Variants in RORA observed in about 807,000 individuals in gnomAD.
RORA encodes the protein nuclear receptor ROR-alpha.
A neutral mutation model predicts 69.5 loss-of-function variants in RORA; 7 were observed. That is an observed-to-expected ratio of 0.10 (90% CI 0.06 to 0.19). The LOEUF (loss-of-function observed/expected upper bound fraction) is 0.19. RORA is among the 10% of genes least tolerant of loss of function. The pLI, the probability that RORA is intolerant of heterozygous loss-of-function variation, is 1.00. For synonymous variants in RORA, 261 were observed against 240.8 expected, an observed-to-expected ratio of 1.08 and a Z score of -0.78; for missense variants, 457 against 663.0, an observed-to-expected ratio of 0.69 and a Z score of 3.41.
chr15:60,740,186 G>C (rs1305948175), intron 1 of RORA, among the ~76,000 whole-genome samples: 1 of 152,020 alleles, frequency 6.6e-6, no homozygotes, highest in Non-Finnish European at 1.5e-5. Flanking sequence ...CTTTCTGTCT[G>C]TGGCTCAATG....
chr15:61,081,047 C>A (rs2078531622), intron 1 of RORA, among the ~76,000 whole-genome samples: 1 of 152,212 alleles, frequency 6.6e-6, no homozygotes, highest in Non-Finnish European at 1.5e-5. Flanking sequence ...AGTCACAGGG[C>A]CGACGAATTC....
intron 2 of RORA, among the ~76,000 whole-genome samples, chr15:60,587,991 T>G (rs2140506574): frequency 6.6e-6 from 1 of 152,332 alleles, no homozygotes; most frequent in South Asian, 2.1e-4. Context: ...GAAAAAGCTC[T>G]GACTACGACT....
intron 1 of RORA, among the ~76,000 whole-genome samples, chr15:61,074,677 G>A (rs1381171282): frequency 6.6e-6 from 1 of 152,154 alleles, no homozygotes; most frequent in Non-Finnish European, 1.5e-5. Flanking sequence ...CATGAGGGTG[G>A]TAGACTCCTG....
chr15:60,656,902 G>C (rs776623202), intron 2 of RORA, among the ~76,000 whole-genome samples: 11 of 152,188 alleles, frequency 7.2e-5, no homozygotes, highest in South Asian at 2.1e-4. Context: ...AGGAAAGCCC[G>C]TGGTTTGGGA....
In RORA at chr15:60,621,008, G is replaced by A. The variant is rs992116213; in HGVS notation, c.196+57649C>T. On this transcript the variant is annotated intron_variant, in intron 2 of 10. Coordinates refer to ENST00000335670, the MANE Select transcript of RORA (RefSeq NM_134261.3). ...TCTTCAGGGAGTCTAGTCTATACAC[G>A]CTTCCTGCGCATAACTGTATTCTTT... Among the ~76,000 whole-genome samples, 6 of 152,334 alleles carry A rather than the reference G, an allele frequency of 3.9e-5. No individual in the cohort carries two copies. The East Asian group carries it at 7.7e-4, about 20-fold the overall frequency.
At chr15:61,069,737 A>AAAAAG (rs545196169) in intron 1 of RORA, among the ~76,000 whole-genome samples, 254 of 152,276 alleles carry the variant, frequency 1.7e-3, no homozygotes, top group African/African-American at 5.2e-3. Flanking sequence ...AAAGGAAAGA[A>AAAAAG]AAAAGAAAAG....
intron 2 of RORA, among the ~76,000 whole-genome samples, chr15:60,609,719 A>G (rs950055505): frequency 6.6e-6 from 1 of 152,230 alleles, no homozygotes. Flanking sequence ...CCTATCACCA[A>G]AGTGGTTGCC....
rs339983 is a variant in RORA, at chr15:60,640,499, C to T, written c.196+38158G>A. 4.3e-3 allele frequency among the ~76,000 whole-genome samples: 653 copies of T among 152,300 alleles called. 2 individuals are homozygous for T. Among genetic ancestry groups the T allele is most frequent in the African/African-American group, 0.015 (611 of 41,554 alleles). On this transcript the variant is annotated intron_variant, in intron 2 of 10. Transcript: ENST00000335670. ...TCATGCCCCTACCCTGCCTAAAACC[C>T]TCCCGTGGCTGAACTTAGAGTAAAA...
intron 2 of RORA, among the ~76,000 whole-genome samples, chr15:60,580,889 G>C (rs1468072908): frequency 1.3e-5 from 2 of 152,186 alleles, no homozygotes; most frequent in Non-Finnish European, 2.9e-5. Context: ...TCTTACATCT[G>C]AACAACCATG....
intron 1 of RORA, among the ~76,000 whole-genome samples, chr15:60,901,067 T>C (rs911979721): frequency 6.6e-6 from 1 of 152,192 alleles, no homozygotes; most frequent in African/African-American, 2.4e-5. Flanking sequence ...TGCCTATATG[T>C]AGAAGGCACA....
intron 1 of RORA, among the ~76,000 whole-genome samples, chr15:60,878,503 C>A (rs2073644641): frequency 6.6e-6 from 1 of 152,206 alleles, no homozygotes; most frequent in African/African-American, 2.4e-5. Context: ...AAAATCATGG[C>A]TCAGAAACTG....
chr15:60,812,055 T>C (rs2072752021), intron 1 of RORA, among the ~76,000 whole-genome samples: 1 of 152,196 alleles, frequency 6.6e-6, no homozygotes, highest in Non-Finnish European at 1.5e-5. Context: ...GCATCACGTG[T>C]TTATAAGCAT....
intron 1 of RORA, among the ~76,000 whole-genome samples, chr15:60,708,122 C>A (rs1041986290): frequency 6.6e-6 from 1 of 152,110 alleles, no homozygotes. Context: ...TCCTTTGAAC[C>A]GCTCCCTAGC....
At chr15:61,179,658 C>T (rs2079663679) in intron 1 of RORA, among the ~76,000 whole-genome samples, 1 of 152,136 alleles carries the variant, frequency 6.6e-6, no homozygotes, top group Non-Finnish European at 1.5e-5. Context: ...AGTGATTTAG[C>T]ATAACGCCTG....
intron 2 of RORA, among the ~76,000 whole-genome samples, chr15:60,541,385 C>T (rs2066867461): frequency 2.0e-5 from 3 of 152,304 alleles, no homozygotes; most frequent in Non-Finnish European, 4.4e-5. Context: ...ATACTAATGA[C>T]CAAACAACGT....
At chr15:60,539,065 A>G (rs1324742180) in intron 2 of RORA, among the ~76,000 whole-genome samples, 1 of 151,978 alleles carries the variant, frequency 6.6e-6, no homozygotes, top group East Asian at 1.9e-4. Flanking sequence ...TGTGAACTAA[A>G]TTTAAAATAA....
At chr15:61,144,683 CT>C (rs1189460500) in intron 1 of RORA, among the ~76,000 whole-genome samples, 1 of 152,140 alleles carries the variant, frequency 6.6e-6, no homozygotes, top group Admixed American at 6.5e-5. Flanking sequence ...ATTCTTAATG[CT>C]GTTGAGTGGA....
Position 60,718,874 on chromosome 15 carries a change from A to G in RORA, c.167-40188T>C, listed in dbSNP as rs567383423. Among the ~76,000 whole-genome samples, 70 of 152,344 alleles carry G rather than the reference A, an allele frequency of 4.6e-4. 1 individual carries two copies. The highest frequency in any genetic ancestry group is 1.6e-3 in the African/African-American group (66 of 41,566). Reference sequence around the variant, plus strand: ...ACAAGAAAATAATTCTAAAAGGTGAAGGATTTCCACAATTGACACAGAGCT... The same window carrying G: ...ACAAGAAAATAATTCTAAAAGGTGAGGGATTTCCACAATTGACACAGAGCT... On this transcript the variant is annotated intron_variant, in intron 1 of 10. Coordinates refer to ENST00000335670, the MANE Select transcript of RORA (RefSeq NM_134261.3).
intron 1 of RORA, among the ~76,000 whole-genome samples, chr15:60,886,988 C>G (rs772735063): frequency 6.6e-6 from 1 of 152,204 alleles, no homozygotes; most frequent in South Asian, 2.1e-4. Context: ...GACTATCTCT[C>G]TTGTGCTCCT....
Sources: allele counts gnomAD v4.1 joint callset (sites outside exome capture counted in the v4.1 genomes callset), GRCh38; gene constraint gnomAD v4.1.1; transcripts MANE v1.5; gene names NCBI Gene and HGNC (gene_info 2026-07-23, HGNC 2026-07-21).